The following TMEM232 variants were observed in gnomAD, a reference collection of about 807,000 sequenced individuals.
TMEM232 encodes transmembrane protein 232.
TMEM232 carries 80 observed loss-of-function variants against 78.8 expected under a neutral mutation model. The observed-to-expected ratio is 1.01, with a 90% CI of 0.85 to 1.22. TMEM232 has a LOEUF of 1.22. Ranked by LOEUF, TMEM232 falls within the 50% of genes most tolerant of loss-of-function variation. The pLI is 0.00. For synonymous variants in TMEM232, 297 were observed against 254.3 expected (o/e 1.17, Z -1.60); for missense variants, 881 against 742.2 (o/e 1.19, Z -2.17).
At chr5:110,625,455 G>T in intron 6 of TMEM232, 22 bp from the exon 7 acceptor site, 1 of 1,484,780 alleles carries the variant, frequency 6.7e-7, no homozygotes, top group Middle Eastern at 1.8e-4. Context: ...AAAATCATCT[G>T]TGAGAAATAA....
intron 1 of TMEM232, among the ~76,000 whole-genome samples, chr5:110,690,248 GC>G (rs1793945072): frequency 1.3e-5 from 2 of 152,082 alleles, no homozygotes; most frequent in South Asian, 4.1e-4. Context: ...CTGACAAAGG[GC>G]TAATATCCAG....
At chr5:110,532,902 G>A (rs560274926) in intron 11 of TMEM232, among the ~76,000 whole-genome samples, 6 of 152,120 alleles carry the variant, frequency 3.9e-5, no homozygotes, top group African/African-American at 1.4e-4. Context: ...GCCTTTTAAA[G>A]CCTATAAACT....
intron 1 of TMEM232, among the ~76,000 whole-genome samples, chr5:110,737,614 G>C (rs1382365121): frequency 6.6e-6 from 1 of 152,074 alleles, no homozygotes; most frequent in African/African-American, 2.4e-5. Flanking sequence ...ATTAGTAAAG[G>C]ACTTTTTATA....
At chr5:110,668,497 A>T (rs1038893417) in intron 1 of TMEM232, among the ~76,000 whole-genome samples, 1 of 152,154 alleles carries the variant, frequency 6.6e-6, no homozygotes, top group Non-Finnish European at 1.5e-5. Flanking sequence ...AGAAGAATGG[A>T]AAGCAGATCT....
chr5:110,608,399 AG>A (rs1303486580), intron 8 of TMEM232, among the ~76,000 whole-genome samples: 13 of 151,966 alleles, frequency 8.6e-5, no homozygotes, highest in Non-Finnish European at 1.5e-5. Context: ...ATGACCACCA[AG>A]ATGGAGAATA....
chr5:110,504,990 G>T (rs1004391277), intron 12 of TMEM232, among the ~76,000 whole-genome samples: 1 of 152,322 alleles, frequency 6.6e-6, no homozygotes, highest in African/African-American at 2.4e-5. Context: ...TAACAATGAA[G>T]TTAATTCTTA....
At chr5:110,499,686 G>A (rs540661691) in intron 12 of TMEM232, among the ~76,000 whole-genome samples, 63 of 147,040 alleles carry the variant, frequency 4.3e-4, no homozygotes, top group African/African-American at 1.6e-3. Context: ...AAATTAGTAT[G>A]GAAATATTAA....
chr5:110,470,078 C>T (rs1561535263), intron 12 of TMEM232, among the ~76,000 whole-genome samples: 1 of 152,110 alleles, frequency 6.6e-6, no homozygotes, highest in Non-Finnish European at 1.5e-5. Context: ...GTCTAACTAT[C>T]CCAGGGTCCA....
chr5:110,670,901 A>G (rs1479100197), intron 1 of TMEM232, among the ~76,000 whole-genome samples: 2 of 152,178 alleles, frequency 1.3e-5, no homozygotes, highest in African/African-American at 4.8e-5. Flanking sequence ...TGCAAAGGAG[A>G]TAATTTGGTA....
chr5:110,422,193 C>A (rs1756711607), intron 13 of TMEM232, among the ~76,000 whole-genome samples: 1 of 152,020 alleles, frequency 6.6e-6, no homozygotes, highest in Non-Finnish European at 1.5e-5. Context: ...ACAAAGAGCA[C>A]TAATCTATCC....
intron 12 of TMEM232, among the ~76,000 whole-genome samples, chr5:110,496,686 C>A (rs73784771): frequency 6.6e-6 from 1 of 151,850 alleles, no homozygotes; most frequent in African/African-American, 2.4e-5. Flanking sequence ...GAAACAGATA[C>A]CATAAAATCA....
At chr5:110,597,160 A>G (rs1780272117) in intron 10 of TMEM232, among the ~76,000 whole-genome samples, 1 of 152,196 alleles carries the variant, frequency 6.6e-6, no homozygotes, top group South Asian at 2.1e-4. Context: ...AAGCAACTTC[A>G]GCAAAGTCTC....
chr5:110,458,795 A>AT (rs1345015009), intron 12 of TMEM232, among the ~76,000 whole-genome samples: 1 of 152,106 alleles, frequency 6.6e-6, no homozygotes, highest in African/African-American at 2.4e-5. Context: ...GGGAGTTGAA[A>AT]TGCTCAGGGG....
chr5:110,481,756 A>G (rs554081539), intron 12 of TMEM232, among the ~76,000 whole-genome samples: 110 of 152,240 alleles, frequency 7.2e-4, no homozygotes, highest in Non-Finnish European at 1.2e-3. Flanking sequence ...CATTTGGGTG[A>G]CTCGTTGGTC....
chr5:110,536,263 G>A (rs976410519), intron 11 of TMEM232, among the ~76,000 whole-genome samples: 1 of 152,194 alleles, frequency 6.6e-6, no homozygotes, highest in Non-Finnish European at 1.5e-5. Context: ...CCCAGTTCTA[G>A]TAAGGGAACT....
At chr5:110,527,151 C>T (rs891063966) in intron 12 of TMEM232, among the ~76,000 whole-genome samples, 12 of 151,760 alleles carry the variant, frequency 7.9e-5, no homozygotes, top group Non-Finnish European at 1.5e-4. Context: ...AGTTAACTTT[C>T]TAACTTTAAT....
At chr5:110,662,917 G>C (rs1294809417) in intron 2 of TMEM232, among the ~76,000 whole-genome samples, 1 of 151,834 alleles carries the variant, frequency 6.6e-6, no homozygotes, top group Non-Finnish European at 1.5e-5. Context: ...GGTTGGGAAA[G>C]ATTTTTTTAA....
At chr5:110,633,727 A>C (rs991189569) in intron 5 of TMEM232, among the ~76,000 whole-genome samples, 1 of 152,156 alleles carries the variant, frequency 6.6e-6, no homozygotes, top group Non-Finnish European at 1.5e-5. Context: ...ACTGTGAGTC[A>C]ATTAAACCTC....
At chr5:110,708,629 C>T (rs1291260667) in intron 1 of TMEM232, among the ~76,000 whole-genome samples, 1 of 151,954 alleles carries the variant, frequency 6.6e-6, no homozygotes, top group Non-Finnish European at 1.5e-5. Flanking sequence ...ATGTTTATTT[C>T]ATTATGCAAT....
Sources: allele counts gnomAD v4.1 joint callset (sites outside exome capture counted in the v4.1 genomes callset), GRCh38; gene constraint gnomAD v4.1.1; transcripts MANE v1.5; gene names NCBI Gene and HGNC (gene_info 2026-07-23, HGNC 2026-07-21).